IARS2: variants seen among roughly 807,000 people sequenced by gnomAD.
IARS2 encodes isoleucyl-tRNA synthetase 2, mitochondrial, also known as isoleucine--tRNA ligase, mitochondrial.
Under a neutral mutation model 126.3 loss-of-function variants are expected in IARS2, and 56 were observed. That is an observed-to-expected ratio of 0.44 (90% CI 0.36 to 0.55). The LOEUF is 0.55. IARS2 is among the 20% of genes least tolerant of loss of function. The pLI is 0.00. For synonymous variants in IARS2, 407 were observed against 441.1 expected (o/e 0.92, Z 0.97); for missense variants, 1,127 against 1,245.9 (o/e 0.90, Z 1.44).
At chr1:220,134,738 G>A (rs1473376202) in intron 15 of IARS2, 3 of 343,372 alleles carry the variant, frequency 8.7e-6, no homozygotes, top group Non-Finnish European at 1.6e-5. Context: ...GGAGTAGTTG[G>A]GGGAACTTAT....
At position 220,100,653 on chromosome 1, in the gene IARS2, A is replaced by C. The variant is rs1344879368; in HGVS notation, c.550+4A>C. On this transcript the variant is annotated splice_donor_region_variant and intron_variant, in intron 3 of 22. Coordinates refer to ENST00000366922, the MANE Select transcript of IARS2 (RefSeq NM_018060.4). ...GCTATGGAAATTAGAAAGAAAGGTA[A>C]ATAATCTGTATTTCTGTTTTAAAAT... 6.3e-7 allele frequency: 1 copy of C among 1,595,374 alleles called. No individual in the cohort carries two copies. Among genetic ancestry groups the C allele is most frequent in the Admixed American group, 1.7e-5 (1 of 59,126 alleles).
chr1:220,131,937 A>G (rs950505848), intron 14 of IARS2, among the ~76,000 whole-genome samples: 2 of 151,314 alleles, frequency 1.3e-5, no homozygotes, highest in Admixed American at 1.3e-4. Context: ...AGCTGCGACT[A>G]CAGGCATCCA....
chr1:220,118,126 T>C (rs1403849996), intron 12 of IARS2: 1 of 471,324 alleles, frequency 2.1e-6, no homozygotes, highest in Non-Finnish European at 4.4e-6. Flanking sequence ...ATTTTCTGTC[T>C]TTCTTTATTA....
chr1:220,126,857 A>G lies in IARS2; in HGVS notation c.1837+14A>G. The stretch of plus-strand genomic sequence containing the variant: ...ATGTTCTTCCAGGTAATTCTTAAAA[A>G]TAGATATATGCCGATCAAGAAGTTT... On this transcript the variant is annotated intron_variant, in intron 14 of 22. Coordinates refer to ENST00000366922, the MANE Select transcript of IARS2 (RefSeq NM_018060.4). 1 of 1,559,930 alleles carries G rather than the reference A, an allele frequency of 6.4e-7. No individual in the cohort carries two copies. Among genetic ancestry groups the G allele is most frequent in the African/African-American group, 1.4e-5 (1 of 73,436 alleles).
intron 12 of IARS2, among the ~76,000 whole-genome samples, chr1:220,124,184 A>G (rs1371648328): frequency 6.6e-6 from 1 of 152,374 alleles, no homozygotes; most frequent in South Asian, 2.1e-4. Context: ...CAAAGCTACA[A>G]TAATAAATTC....
chr1:220,101,423 C>T (rs980003422), intron 3 of IARS2, among the ~76,000 whole-genome samples: 5 of 152,178 alleles, frequency 3.3e-5, no homozygotes, highest in African/African-American at 1.2e-4. Flanking sequence ...AGGCTGGGCA[C>T]AGTGGCTCAT....
intron 14 of IARS2, among the ~76,000 whole-genome samples, chr1:220,127,413 GGA>G (rs1415363402): frequency 6.6e-6 from 1 of 152,212 alleles, no homozygotes; most frequent in African/African-American, 2.4e-5. Flanking sequence ...TAAAGAGAAA[GGA>G]GAGACGTTGG....
intron 13 of IARS2, among the ~76,000 whole-genome samples, chr1:220,125,751 C>T (rs954472298): frequency 1.5e-4 from 22 of 151,054 alleles, no homozygotes; most frequent in African/African-American, 4.9e-4. Context: ...TGCAGCGAGC[C>T]AAGATTGCAC....
At chr1:220,112,860 T>C (rs1656839475) in intron 11 of IARS2, among the ~76,000 whole-genome samples, 1 of 151,458 alleles carries the variant, frequency 6.6e-6, no homozygotes, top group Non-Finnish European at 1.5e-5. Flanking sequence ...ATAAACTCTG[T>C]ATTTATTTAT....
intron 10 of IARS2, among the ~76,000 whole-genome samples, chr1:220,108,327 G>A (rs1188498416): frequency 6.6e-6 from 1 of 151,652 alleles, no homozygotes; most frequent in Non-Finnish European, 1.5e-5. Context: ...CTCCCAAAGT[G>A]CTGGAATTAC....
chr1:220,146,562 GTTTTTCATAGC>G, intron 22 of IARS2, among the ~76,000 whole-genome samples: 1 of 146,032 alleles, frequency 6.8e-6, no homozygotes, highest in East Asian at 2.1e-4. Flanking sequence ...TGCTGCTTGT[GTTTTTCATAGC>G]TTTTGGGTAC....
intron 8 of IARS2, among the ~76,000 whole-genome samples, chr1:220,103,776 A>G (rs983660383): frequency 1.3e-5 from 2 of 152,238 alleles, no homozygotes; most frequent in African/African-American, 4.8e-5. Flanking sequence ...AACAGGTAAA[A>G]CTAATTTCTG....
chr1:220,112,378 C>G lies in IARS2; in HGVS notation c.1479+1441C>G, dbSNP rs1467922398. On this transcript the variant is annotated intron_variant, in intron 11 of 22. Transcript: ENST00000366922. ...CTCGATCTCCTGACCTCATGATCCACCCGCCTCGGCCTCCCAAAGTGCTGG... is the reference window on the plus strand; with the variant it reads ...CTCGATCTCCTGACCTCATGATCCAGCCGCCTCGGCCTCCCAAAGTGCTGG... 4.8e-5 allele frequency among the ~76,000 whole-genome samples: 3 copies of G among 62,538 alleles called. 1 individual carries two copies. The highest frequency in any genetic ancestry group is 9.1e-4 in the East Asian group (2 of 2,190). 41.0% of individuals were successfully genotyped at this position (62,538 alleles called of 152,430 possible).
chr1:220,118,955 T>C (rs1028991122), intron 12 of IARS2, among the ~76,000 whole-genome samples: 1 of 152,168 alleles, frequency 6.6e-6, no homozygotes, highest in Non-Finnish European at 1.5e-5. Flanking sequence ...TTAAATTTAG[T>C]AAACAAATGT....
rs1657388693 is a variant in IARS2 at position 220,136,897 on chromosome 1, G to A, written c.2035G>A (p.Val679Ile). 1 of 1,593,344 alleles carries A rather than the reference G, an allele frequency of 6.3e-7. No homozygotes were observed. Among genetic ancestry groups the A allele is most frequent in the Non-Finnish European group, 8.6e-7 (1 of 1,164,698 alleles). ...LGNVIHPDVV[V>I]NGGQDQSKEP... Reference sequence around the variant, plus strand: ...GAATGTCATTCATCCTGATGTTGTCGTTAATGGAGGACAAGTAGGTGATTC... The same window carrying A: ...GAATGTCATTCATCCTGATGTTGTCATTAATGGAGGACAAGTAGGTGATTC... Residue 679 changes from valine (V) to isoleucine (I), a missense_variant, in exon 16 of 23, where the codon GTT becomes ATT. Transcript: ENST00000366922.
At chr1:220,140,848 G>C (rs1314692497) in intron 19 of IARS2, among the ~76,000 whole-genome samples, 2 of 152,044 alleles carry the variant, frequency 1.3e-5, no homozygotes, top group Non-Finnish European at 2.9e-5. Flanking sequence ...GCTGGGCGTG[G>C]TGGCGGGTGC....
rs1249733957 is a variant in IARS2 at position 220,102,117 on chromosome 1, T to C, written c.551-12T>C. The C allele has an allele frequency of 6.3e-7, 1 of 1,590,082 alleles. No individual in the cohort carries two copies. Among genetic ancestry groups the C allele is most frequent in the African/African-American group, 1.4e-5 (1 of 73,104 alleles). On this transcript the variant is annotated splice_polypyrimidine_tract_variant and intron_variant, in intron 3 of 22. Coordinates refer to ENST00000366922, the MANE Select transcript of IARS2 (RefSeq NM_018060.4). ...TTGGTTTTTTAAAATCTTTTTTTCG[T>C]CTTTTTTTTAGCTAGATCATTTGCT... is the stretch of plus-strand genomic sequence containing the variant.
intron 14 of IARS2, among the ~76,000 whole-genome samples, chr1:220,130,577 A>T (rs942187342): frequency 1.3e-5 from 2 of 152,004 alleles, no homozygotes; most frequent in African/African-American, 4.8e-5. Flanking sequence ...TCTTTTTTTG[A>T]GACAGAGTCT....
chr1:220,096,994 C>T (rs984173812), intron 2 of IARS2, among the ~76,000 whole-genome samples: 1 of 150,822 alleles, frequency 6.6e-6, no homozygotes, highest in Admixed American at 6.6e-5. Context: ...TGCAGTGAGC[C>T]GAGATCGCGC....
Sources: allele counts gnomAD v4.1 joint callset (sites outside exome capture counted in the v4.1 genomes callset), GRCh38; gene constraint gnomAD v4.1.1; transcripts MANE v1.5; gene names NCBI Gene and HGNC (gene_info 2026-07-23, HGNC 2026-07-21).